ITPRID1: variants seen among roughly 807,000 people sequenced by gnomAD.
The protein encoded by ITPRID1 is protein ITPRID1.
ITPRID1 carries 96 observed loss-of-function variants against 95.4 expected under a neutral mutation model. The observed-to-expected ratio is 1.01, with a 90% CI of 0.85 to 1.19. ITPRID1 has a LOEUF of 1.19. ITPRID1 is among the 50% of genes most tolerant of loss of function. The pLI, the probability that ITPRID1 is intolerant of heterozygous loss-of-function variation, is 0.00. For synonymous variants in ITPRID1, 510 were observed against 453.6 expected (o/e 1.12, Z -1.58); for missense variants, 1,339 against 1,252.9 (o/e 1.07, Z -1.04).
At chr7:31,561,831 C>G (rs796186601) in intron 5 of ITPRID1, among the ~76,000 whole-genome samples, 39 of 152,218 alleles carry the variant, frequency 2.6e-4, no homozygotes, top group African/African-American at 8.7e-4. Flanking sequence ...TCTTCATGGT[C>G]ACCAACTACA....
chr7:31,642,303 C>G, intron 11 of ITPRID1, 45 bp downstream of exon 11: 1 of 1,275,172 alleles, frequency 7.8e-7, no homozygotes, highest in Non-Finnish European at 1.1e-6. Context: ...CCCTAACATC[C>G]CACTTCAGCC....
In ITPRID1 at chr7:31,544,997, G is replaced by T. The variant is rs141862699; in HGVS notation, c.-97-4429G>T. Reference sequence around the variant, plus strand: ...CTGAGATGAATAAGTCATGGTCATTGCCTTCCAGGAGTTCATTTAGTTGGT... The same window carrying T: ...CTGAGATGAATAAGTCATGGTCATTTCCTTCCAGGAGTTCATTTAGTTGGT... On this transcript the variant is annotated intron_variant, in intron 1 of 14. Transcript: ENST00000615280. 1.0e-3 allele frequency among the ~76,000 whole-genome samples: 154 copies of T among 152,216 alleles called. 1 individual carries two copies. Among genetic ancestry groups the T allele is most frequent in the East Asian group, 8.3e-3 (43 of 5,182 alleles).
At chr7:31,568,530 G>A (rs1784876132) in intron 5 of ITPRID1, among the ~76,000 whole-genome samples, 1 of 152,158 alleles carries the variant, frequency 6.6e-6, no homozygotes, top group African/African-American at 2.4e-5. Flanking sequence ...AGAGCAACAA[G>A]TAAGCGGAAA....
At position 31,574,685 on chromosome 7, in the gene ITPRID1, C is replaced by G. The variant is rs187352726; in HGVS notation, c.541C>G (p.Arg181Gly). 6.2e-7 allele frequency: 1 copy of G among 1,613,814 alleles called. No individual in the cohort carries two copies. Among genetic ancestry groups the G allele is most frequent in the Non-Finnish European group, 8.5e-7 (1 of 1,179,832 alleles). Residue 181 changes from arginine (R) to glycine (G), a missense_variant, in exon 8 of 15, where the codon CGT (arginine) becomes GGT (glycine). Coordinates refer to ENST00000615280, the MANE Select transcript of ITPRID1 (RefSeq NM_001257967.3). ...CTCAGCAGCCAGAGGAATCAACATC[C>G]GTGTTTTTCTTGAAGCTCAAAAGCA... ...CGSAARGINI[R>G]VFLEAQKQRM... is the part of the protein sequence containing the mutation.
In ITPRID1 at chr7:31,582,148, G is replaced by T. The variant is rs6947280; in HGVS notation, c.1171-986G>T. ...TTTATGAACAAGAATATTCACCTCA[G>T]CATTATTTCTAATTGCAAAATTTAG... On this transcript the variant is annotated intron_variant, in intron 9 of 14. Coordinates refer to ENST00000615280, the MANE Select transcript of ITPRID1 (RefSeq NM_001257967.3). Among the ~76,000 whole-genome samples, 228 of 152,276 alleles carry T rather than the reference G, an allele frequency of 1.5e-3. 2 individuals are homozygous for T. Among genetic ancestry groups the T allele is most frequent in the African/African-American group, 5.1e-3 (211 of 41,568 alleles).
intron 10 of ITPRID1, among the ~76,000 whole-genome samples, chr7:31,635,890 T>TA (rs1789439686): frequency 2.6e-5 from 4 of 152,112 alleles, no homozygotes; most frequent in Non-Finnish European, 5.9e-5. Flanking sequence ...AGTTTACCTA[T>TA]GTAATAAACC....
At chr7:31,596,043 A>G (rs1786075249) in intron 10 of ITPRID1, among the ~76,000 whole-genome samples, 3 of 151,628 alleles carry the variant, frequency 2.0e-5, no homozygotes, top group Admixed American at 6.6e-5. Context: ...ATAGATAAAT[A>G]TATTTTGCAT....
chr7:31,542,889 T>A (rs538420578), intron 1 of ITPRID1, among the ~76,000 whole-genome samples: 1 of 152,294 alleles, frequency 6.6e-6, no homozygotes, highest in South Asian at 2.1e-4. Flanking sequence ...TCATGTGGAC[T>A]GAAAGGTCCC....
At chr7:31,633,434 A>G (rs1410901143) in intron 10 of ITPRID1, among the ~76,000 whole-genome samples, 3 of 152,164 alleles carry the variant, frequency 2.0e-5, no homozygotes, top group East Asian at 3.9e-4. Flanking sequence ...ATCTATAAGG[A>G]GTGTTCTGGA....
Position 31,553,017 on chromosome 7 carries a change from A to G in ITPRID1, c.-8A>G. 6.2e-7 allele frequency: 1 copy of G among 1,606,896 alleles called. No individual in the cohort carries two copies. Among genetic ancestry groups the G allele is most frequent in the South Asian group, 1.1e-5 (1 of 89,546 alleles). ...GTGTTTTAAGTTAGTTTGCAGAATTACTCTCCTATGATGGCACAGAAATCA... is the reference window on the plus strand; with the variant it reads ...GTGTTTTAAGTTAGTTTGCAGAATTGCTCTCCTATGATGGCACAGAAATCA... On this transcript the variant is annotated 5_prime_UTR_variant, in exon 3 of 15. Coordinates refer to ENST00000615280, the MANE Select transcript of ITPRID1 (RefSeq NM_001257967.3).
At chr7:31,594,780 T>G (rs1266467628) in intron 10 of ITPRID1, among the ~76,000 whole-genome samples, 1 of 151,898 alleles carries the variant, frequency 6.6e-6, no homozygotes, top group Non-Finnish European at 1.5e-5. Context: ...TCGCTCGAAC[T>G]TGGGAGGCAG....
chr7:31,595,504 G>A (rs1271024518), intron 10 of ITPRID1, among the ~76,000 whole-genome samples: 1 of 152,084 alleles, frequency 6.6e-6, no homozygotes, highest in Non-Finnish European at 1.5e-5. Context: ...TGGGGGCTGG[G>A]TCCTCCATCC....
intron 1 of ITPRID1, among the ~76,000 whole-genome samples, chr7:31,539,455 C>T (rs531485779): frequency 1.3e-5 from 2 of 152,306 alleles, no homozygotes; most frequent in South Asian, 2.1e-4. Context: ...GCTGGCATTA[C>T]AGATGTGAGG....
chr7:31,553,261 G>C, intron 3 of ITPRID1, 74 bp downstream of exon 3: 1 of 1,387,168 alleles, frequency 7.2e-7, no homozygotes, highest in Non-Finnish European at 9.6e-7. Flanking sequence ...TTTTGGCCAG[G>C]GGCAGGTGAT....
intron 1 of ITPRID1, chr7:31,529,671 G>A: frequency 9.7e-7 from 1 of 1,035,796 alleles, no homozygotes; most frequent in Non-Finnish European, 1.4e-6. Flanking sequence ...CAGAAACTTG[G>A]GTCATAGTTC....
At chr7:31,528,971 AT>A (rs1335341697) in intron 1 of ITPRID1, among the ~76,000 whole-genome samples, 2 of 152,232 alleles carry the variant, frequency 1.3e-5, no homozygotes, top group Non-Finnish European at 2.9e-5. Context: ...ATATATAAGA[AT>A]GCATGGCAAA....
In ITPRID1 at chr7:31,534,104, T is replaced by C. The variant is rs907190709; in HGVS notation, c.-97-15322T>C. Among the ~76,000 whole-genome samples, 18 of 152,326 alleles carry C rather than the reference T, an allele frequency of 1.2e-4. No individual in the cohort carries two copies. The East Asian group carries it at 3.5e-3, about 29-fold the overall frequency. ...GTGCTCCCTGTGAAACTCTAATGCC[T>C]GATAATCTGAGGTGGAACAATTTCA... is the stretch of plus-strand genomic sequence containing the variant. On this transcript the variant is annotated intron_variant, in intron 1 of 14. Coordinates refer to ENST00000615280, the MANE Select transcript of ITPRID1 (RefSeq NM_001257967.3).
At chr7:31,568,712 A>G (rs1479434638) in intron 5 of ITPRID1, among the ~76,000 whole-genome samples, 1 of 152,206 alleles carries the variant, frequency 6.6e-6, no homozygotes, top group African/African-American at 2.4e-5. Context: ...CAGCACCGCT[A>G]TCAGGCAAAT....
Position 31,653,125 on chromosome 7 carries a change from C to G in ITPRID1, c.*296C>G. 1 of 460,158 alleles carries G rather than the reference C, an allele frequency of 2.2e-6. No individual in the cohort carries two copies. Among genetic ancestry groups the G allele is most frequent in the Non-Finnish European group, 3.4e-6 (1 of 295,576 alleles). 28.5% of individuals were successfully genotyped at this position (460,158 alleles called of 1,614,324 possible). ...GTAGTGGGGGAGATAGAATTGCAAACAAAAAGTATCTGAGACAGACCTCAG... is the reference window on the plus strand; with the variant it reads ...GTAGTGGGGGAGATAGAATTGCAAAGAAAAAGTATCTGAGACAGACCTCAG... On this transcript the variant is annotated 3_prime_UTR_variant, in exon 15 of 15. Coordinates refer to ENST00000615280, the MANE Select transcript of ITPRID1 (RefSeq NM_001257967.3).
Sources: allele counts gnomAD v4.1 joint callset (sites outside exome capture counted in the v4.1 genomes callset), GRCh38; gene constraint gnomAD v4.1.1; transcripts MANE v1.5; gene names NCBI Gene and HGNC (gene_info 2026-07-23, HGNC 2026-07-21).